NAV1: variants seen among roughly 807,000 people sequenced by gnomAD.
NAV1 encodes the protein pore membrane and/or filament interacting like protein 3.
NAV1 carries 18 observed loss-of-function variants against 175.2 expected under a neutral mutation model. That is an observed-to-expected ratio of 0.10 (90% CI 0.07 to 0.15). The LOEUF is 0.15. NAV1 is among the 10% of genes least tolerant of loss of function. NAV1 has a pLI of 1.00. For synonymous variants in NAV1, 897 were observed against 978.7 expected (o/e 0.92, Z 1.56); for missense variants, 1,731 against 2,436.6 (o/e 0.71, Z 6.10).
At position 201,771,682 on chromosome 1, in the gene NAV1, G is replaced by A. The variant is rs924429289; in HGVS notation, c.1227-8739G>A. On this transcript the variant is annotated intron_variant, in intron 3 of 29. Coordinates refer to ENST00000367296, the Ensembl canonical transcript of NAV1. Reference sequence around the variant, plus strand: ...CACAACATCTGGCATAAAATAAAAAGTTACAAGACTCAGGAAGAAGCAGAA... The same window carrying A: ...CACAACATCTGGCATAAAATAAAAAATTACAAGACTCAGGAAGAAGCAGAA... Among the ~76,000 whole-genome samples the A allele has an allele frequency of 4.0e-5, 6 of 151,892 alleles. No individual in the cohort carries two copies. In the South Asian group the frequency reaches 1.2e-3, roughly 31 times the overall value.
At chr1:201,558,164 A>T (rs899876155) in intron 1 of NAV1, among the ~76,000 whole-genome samples, 2 of 152,250 alleles carry the variant, frequency 1.3e-5, no homozygotes, top group Non-Finnish European at 2.9e-5. Flanking sequence ...GACGATATGT[A>T]GATAAAAGGC....
chr1:201,565,876 C>A (rs763196599), intron 1 of NAV1, among the ~76,000 whole-genome samples: 16 of 152,162 alleles, frequency 1.1e-4, no homozygotes, highest in Non-Finnish European at 2.2e-4. Flanking sequence ...CCAGACATTC[C>A]CCCAATCCCT....
At chr1:201,695,602 C>G (rs890177433) in intron 1 of NAV1, among the ~76,000 whole-genome samples, 1 of 152,226 alleles carries the variant, frequency 6.6e-6, no homozygotes, top group African/African-American at 2.4e-5. Context: ...GAATTTGGCT[C>G]TATTTACTTG....
At chr1:201,565,503 G>A (rs1250409612) in intron 1 of NAV1, among the ~76,000 whole-genome samples, 1 of 152,204 alleles carries the variant, frequency 6.6e-6, no homozygotes, top group East Asian at 1.9e-4. Context: ...GCGGGCATGG[G>A]GCCCGGCCCA....
chr1:201,748,415 G>A (rs1046001813), intron 3 of NAV1, among the ~76,000 whole-genome samples: 2 of 152,152 alleles, frequency 1.3e-5, no homozygotes, highest in Non-Finnish European at 2.9e-5. Flanking sequence ...GTTTAGAAAG[G>A]GAGATGGAAT....
At chr1:201,688,494 A>C (rs1210533183) in intron 1 of NAV1, 4 of 152,196 alleles carry the variant, frequency 2.6e-5, no homozygotes, top group Non-Finnish European at 4.4e-5. Flanking sequence ...TTACACACAA[A>C]ATATGGGCAC....
intron 1 of NAV1, among the ~76,000 whole-genome samples, chr1:201,585,981 A>G (rs1364343981): frequency 2.0e-5 from 3 of 152,174 alleles, no homozygotes; most frequent in Non-Finnish European, 4.4e-5. Context: ...CACCCAAAAG[A>G]ATTTGCAAGC....
chr1:201,621,232 T>C (rs1668159193), upstream of NAV1, among the ~76,000 whole-genome samples: 2 of 152,092 alleles, frequency 1.3e-5, no homozygotes, highest in Admixed American at 1.3e-4. Context: ...CCCTTTATTC[T>C]ATGGGATGTT....
At position 201,672,170 on chromosome 1, in the gene NAV1, T is replaced by A. The variant is rs1670068322; in HGVS notation, c.757+22745T>A. Among the ~76,000 whole-genome samples the A allele has an allele frequency of 2.0e-5, 3 of 152,226 alleles. No individual in the cohort carries two copies. The South Asian group carries it at 6.2e-4, about 31-fold the overall frequency. On this transcript the variant is annotated intron_variant, in intron 1 of 29. Coordinates refer to ENST00000367296, the Ensembl canonical transcript of NAV1. ...TTTTCTCCCACCTTGATCCTCCAAGTCAGAAATACATTTTTCAGCAAACTC... is the reference window on the plus strand; with the variant it reads ...TTTTCTCCCACCTTGATCCTCCAAGACAGAAATACATTTTTCAGCAAACTC...
At chr1:201,644,027 G>A (rs1430541877), upstream of NAV1, among the ~76,000 whole-genome samples, 4 of 152,200 alleles carry the variant, frequency 2.6e-5, no homozygotes, top group African/African-American at 9.6e-5. Flanking sequence ...AAAGAGGAGT[G>A]GGATGATGAG....
chr1:201,643,327 CCTTCCCTCTCTTCTTTCTTTCTTT>C (rs1283782938), upstream of NAV1, among the ~76,000 whole-genome samples: 7 of 134,750 alleles, frequency 5.2e-5, no homozygotes, highest in Admixed American at 1.6e-4. Context: ...TTCTTTCTTC[CCTTCCCTCTCTTCTTTCTTTCTTT>C]CTTCCCTCTC....
intron 2 of NAV1, among the ~76,000 whole-genome samples, chr1:201,599,727 C>A (rs1448668919): frequency 6.6e-6 from 1 of 152,082 alleles, no homozygotes; most frequent in Non-Finnish European, 1.5e-5. Flanking sequence ...GCGCCACTCA[C>A]GCAATTGCTA....
intron 2 of NAV1, among the ~76,000 whole-genome samples, chr1:201,611,804 C>T (rs1467131878): frequency 6.6e-6 from 1 of 152,132 alleles, no homozygotes; most frequent in Non-Finnish European, 1.5e-5. Context: ...GGACACAGAG[C>T]ACCTCCTCAC....
chr1:201,686,170 C>T (rs1330497394), intron 1 of NAV1, among the ~76,000 whole-genome samples: 2 of 152,086 alleles, frequency 1.3e-5, no homozygotes, highest in African/African-American at 4.8e-5. Context: ...TGTTGGTCCT[C>T]AGAGAAATCC....
At chr1:201,797,741 T>C (rs1024303135) in intron 15 of NAV1, 1 of 152,266 alleles carries the variant, frequency 6.6e-6, no homozygotes, top group Non-Finnish European at 1.5e-5. Context: ...GTTTTTATAC[T>C]GTTCTAAACT....
At chr1:201,542,219 T>C (rs1346285318) in intron 1 of NAV1, among the ~76,000 whole-genome samples, 3 of 152,174 alleles carry the variant, frequency 2.0e-5, no homozygotes, top group Non-Finnish European at 4.4e-5. Flanking sequence ...GGAATTTTTA[T>C]CTTCCTAGCG....
chr1:201,665,590 A>ACCCCC (rs3053790), intron 1 of NAV1, among the ~76,000 whole-genome samples: 1 of 128,520 alleles, frequency 7.8e-6, no homozygotes, highest in African/African-American at 3.0e-5. Flanking sequence ...AGAGCACCCC[A>ACCCCC]CCCCCCCCAC....
intron 1 of NAV1, among the ~76,000 whole-genome samples, chr1:201,680,421 G>T (rs1043035080): frequency 6.6e-6 from 1 of 152,112 alleles, no homozygotes; most frequent in African/African-American, 2.4e-5. Flanking sequence ...CAGGAGAATT[G>T]CTTGAACCTG....
At chr1:201,684,785 T>TA (rs974487833) in intron 1 of NAV1, among the ~76,000 whole-genome samples, 2 of 150,016 alleles carry the variant, frequency 1.3e-5, no homozygotes, top group Non-Finnish European at 3.0e-5. Flanking sequence ...TATGCAGCTT[T>TA]AAAAAACCCC....
Sources: allele counts gnomAD v4.1 joint callset (sites outside exome capture counted in the v4.1 genomes callset), GRCh38; gene constraint gnomAD v4.1.1; transcripts MANE v1.5; gene names NCBI Gene and HGNC (gene_info 2026-07-23, HGNC 2026-07-21).